CAMTA1: variants seen among roughly 807,000 people sequenced by gnomAD.
CAMTA1 encodes calmodulin binding transcription activator 1, also known as calmodulin-binding transcription activator 1.
A neutral mutation model predicts 170.9 loss-of-function variants in CAMTA1; 27 were observed. The ratio of observed to expected loss-of-function variants is 0.16; its 90% CI spans 0.12 to 0.22. The LOEUF (loss-of-function observed/expected upper bound fraction) is 0.22. CAMTA1 is among the 10% of genes least tolerant of loss of function. The pLI is 1.00. For synonymous variants in CAMTA1, 833 were observed against 891.5 expected, an observed-to-expected ratio of 0.93 and a Z score of 1.17; for missense variants, 1,619 against 2,217.2, an observed-to-expected ratio of 0.73 and a Z score of 5.42.
intron 1 of CAMTA1, among the ~76,000 whole-genome samples, chr1:6,809,228 T>C (rs1380657240): frequency 6.6e-6 from 1 of 152,032 alleles, no homozygotes; most frequent in Non-Finnish European, 1.5e-5. Flanking sequence ...GGTTTCACCA[T>C]GTTGGCCAGG....
At chr1:7,241,275 T>C (rs1664813672) in intron 4 of CAMTA1, among the ~76,000 whole-genome samples, 1 of 152,182 alleles carries the variant, frequency 6.6e-6, no homozygotes, top group South Asian at 2.1e-4. Flanking sequence ...AAAGTCTTAA[T>C]GAAAGAAATT....
At chr1:6,869,275 G>C (rs1430684271) in intron 3 of CAMTA1, among the ~76,000 whole-genome samples, 1 of 152,240 alleles carries the variant, frequency 6.6e-6, no homozygotes, top group Non-Finnish European at 1.5e-5. Context: ...GTTCTGAAGA[G>C]AGGGCTTTGT....
intron 2 of CAMTA1, among the ~76,000 whole-genome samples, chr1:6,821,469 TG>T (rs1411386193): frequency 3.3e-5 from 5 of 152,166 alleles, no homozygotes; most frequent in Non-Finnish European, 7.4e-5. Context: ...AACAGAAAAT[TG>T]TAGAGCTTCC....
chr1:7,703,820 G>C (rs978359486), intron 11 of CAMTA1, among the ~76,000 whole-genome samples: 3 of 152,206 alleles, frequency 2.0e-5, no homozygotes, highest in South Asian at 4.1e-4. Flanking sequence ...GGATCCGCTC[G>C]GGACGCCTGA....
At chr1:7,298,013 T>C (rs963512079) in intron 5 of CAMTA1, among the ~76,000 whole-genome samples, 2 of 152,238 alleles carry the variant, frequency 1.3e-5, no homozygotes, top group African/African-American at 4.8e-5. Flanking sequence ...CAGTTCTATA[T>C]ATGTTTGTAG....
At chr1:7,126,951 A>G (rs1644969001) in intron 4 of CAMTA1, among the ~76,000 whole-genome samples, 1 of 152,036 alleles carries the variant, frequency 6.6e-6, no homozygotes, top group Non-Finnish European at 1.5e-5. Context: ...TTGTATTTTT[A>G]GTAGAGATGG....
intron 6 of CAMTA1, among the ~76,000 whole-genome samples, chr1:7,511,087 C>T (rs1473623846): frequency 6.9e-6 from 1 of 145,818 alleles, no homozygotes; most frequent in Non-Finnish European, 1.5e-5. Context: ...AAACTCAGCA[C>T]CTGCTACTGG....
intron 6 of CAMTA1, among the ~76,000 whole-genome samples, chr1:7,479,585 T>C (rs1037580370): frequency 6.6e-6 from 1 of 152,200 alleles, no homozygotes; most frequent in African/African-American, 2.4e-5. Context: ...AGGGTGTGTC[T>C]TCCCCAGGCC....
chr1:7,465,894 G>A (rs1251596798), intron 5 of CAMTA1, among the ~76,000 whole-genome samples: 1 of 152,180 alleles, frequency 6.6e-6, no homozygotes, highest in Admixed American at 6.5e-5. Context: ...AGAAAGTAGT[G>A]GACAGAGAAT....
At position 7,769,259 on chromosome 1, in the gene CAMTA1, G is replaced by T. The variant is rs961380963; in HGVS notation, c.*2768G>T. The T allele has an allele frequency of 6.5e-6, 1 of 152,722 alleles. No homozygotes were observed. Among genetic ancestry groups the T allele is most frequent in the African/African-American group, 2.4e-5 (1 of 41,442 alleles). The allele number at this position is 152,722 out of a possible 1,614,324, so 9.5% of individuals were successfully genotyped here. ...TTCGAATATAAGATGATAGGTAAGCGCAGCTTTCTTGGATAATCTGAATTC... is the reference window on the plus strand; with the variant it reads ...TTCGAATATAAGATGATAGGTAAGCTCAGCTTTCTTGGATAATCTGAATTC... On this transcript the variant is annotated 3_prime_UTR_variant, in exon 23 of 23. Transcript: ENST00000303635.
intron 11 of CAMTA1, among the ~76,000 whole-genome samples, chr1:7,716,955 A>G (rs1254250668): frequency 6.6e-6 from 1 of 152,220 alleles, no homozygotes; most frequent in Non-Finnish European, 1.5e-5. Context: ...ACAGAATGAA[A>G]TCCTGCCATT....
At chr1:7,062,594 TG>T (rs1227950380) in intron 3 of CAMTA1, among the ~76,000 whole-genome samples, 1 of 151,686 alleles carries the variant, frequency 6.6e-6, no homozygotes, top group Non-Finnish European at 1.5e-5. Flanking sequence ...TAAGGAGCTG[TG>T]GGGTGGGGAG....
rs891276791 is a variant in CAMTA1 at position 7,173,073 on chromosome 1, C to T, written c.303-76418C>T. ...TGCGGGAGGCGCAGGGGTGAGGCTCCGAAGCAAGAGCAGCCAGACGCTGCG... is the reference window on the plus strand; with the variant it reads ...TGCGGGAGGCGCAGGGGTGAGGCTCTGAAGCAAGAGCAGCCAGACGCTGCG... On this transcript the variant is annotated intron_variant, in intron 4 of 22. Coordinates refer to ENST00000303635, the MANE Select transcript of CAMTA1 (RefSeq NM_015215.4). This position sits in a 1 kb window ranked among gnomAD's most constrained non-coding sequence, Gnocchi z 5.4. Among the ~76,000 whole-genome samples the T allele has an allele frequency of 3.3e-5, 5 of 152,154 alleles. No individual in the cohort carries two copies. Among genetic ancestry groups the T allele is most frequent in the East Asian group, 1.9e-4 (1 of 5,186 alleles).
At chr1:7,143,277 C>A (rs1645991837) in intron 4 of CAMTA1, among the ~76,000 whole-genome samples, 1 of 152,166 alleles carries the variant, frequency 6.6e-6, no homozygotes, top group Non-Finnish European at 1.5e-5. Context: ...CCATGGTATA[C>A]AGGTAGCAGC....
At chr1:6,904,540 T>TTTTA (rs997233007) in intron 3 of CAMTA1, among the ~76,000 whole-genome samples, 20 of 151,756 alleles carry the variant, frequency 1.3e-4, no homozygotes, top group African/African-American at 4.6e-4. Flanking sequence ...AAGCCTTTTT[T>TTTTA]TTTCTTTCTT....
Position 6,785,472 on chromosome 1 carries a change from C to CCGGCGG in CAMTA1, c.-49_-44dup, listed in dbSNP as rs1247028928. On this transcript the variant is annotated 5_prime_UTR_variant, in exon 1 of 23. Coordinates refer to ENST00000303635, the MANE Select transcript of CAMTA1 (RefSeq NM_015215.4). ...GCGCGGCGGCGGCGGGGTGGCTGGG[C>CCGGCGG]CGGCGGCGGCGGCGGTACGAGGCGC... 2 of 998,090 alleles carry CCGGCGG rather than the reference C, an allele frequency of 2.0e-6. No individual in the cohort carries two copies. Among genetic ancestry groups the CCGGCGG allele is most frequent in the Admixed American group, 6.2e-5 (1 of 16,114 alleles). The allele number at this position is 998,090 out of a possible 1,614,324, so 61.8% of individuals were successfully genotyped here.
At position 6,918,619 on chromosome 1, in the gene CAMTA1, G is replaced by T. The variant is rs1010625949; in HGVS notation, c.234+93409G>T. Among the ~76,000 whole-genome samples, 1 of 152,190 alleles carries T rather than the reference G, an allele frequency of 6.6e-6. No individual in the cohort carries two copies. The highest frequency in any genetic ancestry group is 2.4e-5 in the African/African-American group (1 of 41,446). On this transcript the variant is annotated intron_variant, in intron 3 of 22. Transcript: ENST00000303635. The surrounding 1 kb of genome is among the most constrained non-coding windows in gnomAD (Gnocchi z 4.0). ...GCCTGCCTTGCCGACAGCACCTCCC[G>T]AGGAACTCAGAACTTCCCCCGTGGG... is the stretch of plus-strand genomic sequence containing the variant.
intron 3 of CAMTA1, among the ~76,000 whole-genome samples, chr1:7,061,314 A>G (rs907217966): frequency 6.6e-6 from 1 of 152,136 alleles, no homozygotes; most frequent in African/African-American, 2.4e-5. Context: ...CTCCACAAAT[A>G]CGTGTCCACC....
At chr1:6,799,086 T>G (rs531632111) in intron 1 of CAMTA1, among the ~76,000 whole-genome samples, 1 of 152,132 alleles carries the variant, frequency 6.6e-6, no homozygotes, top group African/African-American at 2.4e-5. Context: ...ATTAAAAAAA[T>G]TTTTTAGAGA....
Sources: gnomAD v4.1 joint callset for allele counts (sites outside exome capture counted in the v4.1 genomes callset) on GRCh38, gnomAD v4.1.1 for gene constraint, Gnocchi (gnomAD v3.1) non-coding constraint, MANE v1.5 for transcripts, NCBI Gene and HGNC (gene_info 2026-07-23, HGNC 2026-07-21) for gene names.